GADL1: variants seen among roughly 807,000 people sequenced by gnomAD.
GADL1 encodes the protein GAD like acidic amino acid decarboxylase 1, also known as acidic amino acid decarboxylase GADL1.
GADL1 carries 71 observed loss-of-function variants against 69.5 expected under a neutral mutation model. The ratio of observed to expected loss-of-function variants is 1.02; its 90% CI spans 0.84 to 1.25. GADL1 has a LOEUF of 1.25. GADL1 is among the 50% of genes most tolerant of loss of function. GADL1 has a pLI of 0.00. For synonymous variants in GADL1, 254 were observed against 214.4 expected, an observed-to-expected ratio of 1.18 and a Z score of -1.62; for missense variants, 737 against 631.8, an observed-to-expected ratio of 1.17 and a Z score of -1.79.
chr3:30,865,558 G>T (rs1006057380), intron 1 of GADL1, among the ~76,000 whole-genome samples: 2 of 151,992 alleles, frequency 1.3e-5, no homozygotes, highest in Non-Finnish European at 2.9e-5. Flanking sequence ...AGCACAGCAA[G>T]GAGACTGGAC....
chr3:30,796,588 T>C (rs1697037187), intron 12 of GADL1, among the ~76,000 whole-genome samples: 2 of 152,096 alleles, frequency 1.3e-5, no homozygotes, highest in South Asian at 4.1e-4. Context: ...ATCTTTTTGA[T>C]CTTAAACTTG....
chr3:30,833,916 C>T lies in GADL1; in HGVS notation c.987G>A (p.Trp329Ter), dbSNP rs150289306. 1 of 1,612,264 alleles carries T rather than the reference C, an allele frequency of 6.2e-7. No individual in the cohort carries two copies. The change falls in exon 11 of 15, where the codon TGG becomes TGA. Residue 329 changes from tryptophan to a stop codon, truncating the protein, a stop_gained. Coordinates refer to ENST00000282538, the MANE Select transcript of GADL1 (RefSeq NM_207359.3). LOFTEE classifies it high-confidence loss of function. ...CAGCCATCAGCATCTTGTGTGGGTTCCAGGCCACAGAGTCAGCCCTATTGT... is the reference window on the plus strand; with the variant it reads ...CAGCCATCAGCATCTTGTGTGGGTTTCAGGCCACAGAGTCAGCCCTATTGT... ...HGIHRADSVA[W>*]NPHKMLMAGI...
intron 8 of GADL1, 74 bp downstream of exon 8, chr3:30,844,136 C>T: frequency 3.5e-6 from 4 of 1,139,242 alleles, no homozygotes; most frequent in Non-Finnish European, 1.3e-6. Context: ...TTGCTATTCC[C>T]TCTCTTTCAT....
intron 11 of GADL1, among the ~76,000 whole-genome samples, chr3:30,825,455 A>G (rs936177287): frequency 6.6e-6 from 1 of 151,998 alleles, no homozygotes; most frequent in Non-Finnish European, 1.5e-5. Context: ...TCAGCAAAAA[A>G]TTGACTCCCT....
chr3:30,847,789 TA>T (rs1431677422), intron 6 of GADL1, among the ~76,000 whole-genome samples: 1 of 152,214 alleles, frequency 6.6e-6, no homozygotes, highest in Non-Finnish European at 1.5e-5. Context: ...GGAAAGTTTT[TA>T]AAAACCACTT....
chr3:30,778,101 C>CAGAA, intron 14 of GADL1, 78 bp downstream of exon 14: 1 of 843,672 alleles, frequency 1.2e-6, no homozygotes. Context: ...GCTAGGCCCT[C>CAGAA]TTATTTATAG....
chr3:30,794,822 G>A (rs1036276993), intron 12 of GADL1, among the ~76,000 whole-genome samples: 3 of 152,020 alleles, frequency 2.0e-5, no homozygotes, highest in African/African-American at 7.3e-5. Context: ...AGTGATCATT[G>A]GTCTATCAAA....
At chr3:30,752,179 CTGT>C (rs1695837696) in intron 14 of GADL1, among the ~76,000 whole-genome samples, 1 of 140,768 alleles carries the variant, frequency 7.1e-6, no homozygotes, top group Admixed American at 6.8e-5. Context: ...TGATGTAGTG[CTGT>C]TAAGTTCTCT....
At chr3:30,891,659 A>G (rs566780367) in intron 1 of GADL1, among the ~76,000 whole-genome samples, 1 of 152,142 alleles carries the variant, frequency 6.6e-6, no homozygotes, top group Non-Finnish European at 1.5e-5. Context: ...AATAAAAAAA[A>G]AAATAAAAAG....
intron 14 of GADL1, among the ~76,000 whole-genome samples, chr3:30,764,398 T>A (rs1200624609): frequency 6.6e-6 from 1 of 152,150 alleles, no homozygotes. Context: ...ATGTAACTCA[T>A]AAGAAAAGCG....
intron 14 of GADL1, among the ~76,000 whole-genome samples, chr3:30,767,638 G>A (rs1346715333): frequency 1.3e-5 from 2 of 152,120 alleles, no homozygotes; most frequent in African/African-American, 4.8e-5. Flanking sequence ...AAGCCAGCAG[G>A]AGATGGAATA....
intron 1 of GADL1, among the ~76,000 whole-genome samples, chr3:30,889,963 A>G (rs753357045): frequency 6.6e-6 from 1 of 152,208 alleles, no homozygotes; most frequent in Non-Finnish European, 1.5e-5. Context: ...ATTCTTTGCT[A>G]TCTAGCCACC....
intron 14 of GADL1, among the ~76,000 whole-genome samples, chr3:30,768,906 C>T (rs879586241): frequency 3.3e-5 from 5 of 152,082 alleles, no homozygotes; most frequent in Admixed American, 6.6e-5. Context: ...GCAAAAGTGC[C>T]ACCAGGGGGC....
rs139208142 is a variant in GADL1, at chr3:30,816,214, A to C, written c.1051-15126T>G. On this transcript the variant is annotated intron_variant, in intron 11 of 14. Coordinates refer to ENST00000282538, the MANE Select transcript of GADL1 (RefSeq NM_207359.3). ...TGCTTGGCTAGAGAGGAGACCCCTA[A>C]TGCATCCTGGAAAAGCAGAAAGGCC... 5.9e-5 allele frequency among the ~76,000 whole-genome samples: 9 copies of C among 152,186 alleles called. No homozygotes were observed. The East Asian group carries it at 1.6e-3, about 26-fold the overall frequency.
intron 1 of GADL1, among the ~76,000 whole-genome samples, chr3:30,874,576 T>C (rs1460233539): frequency 1.3e-5 from 2 of 151,956 alleles, no homozygotes; most frequent in African/African-American, 4.8e-5. Context: ...CAAGGTTTGA[T>C]GACACAGAGA....
At chr3:30,844,974 G>A (rs769943990) in intron 6 of GADL1, among the ~76,000 whole-genome samples, 4 of 152,114 alleles carry the variant, frequency 2.6e-5, no homozygotes, top group African/African-American at 7.2e-5. Flanking sequence ...AACCCTCTAA[G>A]GAGAGGGCAA....
rs902089608 is a variant in GADL1, at chr3:30,860,084, C to T, written c.210+1509G>A. Among the ~76,000 whole-genome samples, 20 of 151,848 alleles carry T rather than the reference C, an allele frequency of 1.3e-4. 1 individual carries two copies. The highest frequency in any genetic ancestry group is 3.4e-3 in the Middle Eastern group (1 of 294). Reference sequence around the variant, plus strand: ...TGCTTTCTTCCTCCAGAAATGAGTACCCTAACGCCAAACTTTCTCTTCCCC... The same window carrying T: ...TGCTTTCTTCCTCCAGAAATGAGTATCCTAACGCCAAACTTTCTCTTCCCC... On this transcript the variant is annotated intron_variant, in intron 2 of 14. Coordinates refer to ENST00000282538, the MANE Select transcript of GADL1 (RefSeq NM_207359.3).
At chr3:30,866,985 C>T (rs1698413325) in intron 1 of GADL1, among the ~76,000 whole-genome samples, 1 of 152,016 alleles carries the variant, frequency 6.6e-6, no homozygotes, top group East Asian at 1.9e-4. Flanking sequence ...CAACCTGTGG[C>T]CCAGACATGA....
At chr3:30,793,847 C>A (rs928506586) in intron 12 of GADL1, among the ~76,000 whole-genome samples, 2 of 152,152 alleles carry the variant, frequency 1.3e-5, no homozygotes, top group African/African-American at 4.8e-5. Context: ...AGTTTCTCTC[C>A]TAGTCTCATC....
Sources: allele counts gnomAD v4.1 joint callset (sites outside exome capture counted in the v4.1 genomes callset), GRCh38; gene constraint gnomAD v4.1.1; transcripts MANE v1.5; gene names NCBI Gene and HGNC (gene_info 2026-07-23, HGNC 2026-07-21).